IGF2BP2: variants seen among roughly 807,000 people sequenced by gnomAD.
IGF2BP2 encodes insulin-like growth factor 2 mRNA-binding protein 2.
IGF2BP2 carries 17 observed loss-of-function variants against 75.8 expected under a neutral mutation model. The ratio of observed to expected loss-of-function variants is 0.22; its 90% CI spans 0.15 to 0.34. IGF2BP2 has a LOEUF of 0.34. IGF2BP2 is among the 10% of genes least tolerant of loss of function. IGF2BP2 has a pLI of 1.00. For missense variants in IGF2BP2, 516 were observed against 772.4 expected, an observed-to-expected ratio of 0.67 and a Z score of 3.93; for synonymous variants, 288 against 295.6, an observed-to-expected ratio of 0.97 and a Z score of 0.26.
intron 2 of IGF2BP2, among the ~76,000 whole-genome samples, chr3:185,786,719 C>T (rs1191134851): frequency 2.6e-5 from 4 of 152,168 alleles, no homozygotes; most frequent in Non-Finnish European, 4.4e-5. Flanking sequence ...GTGGTCTCTT[C>T]ACATGGACGC....
Position 185,645,697 on chromosome 3 carries a change from G to A in IGF2BP2, c.1708-74C>T, listed in dbSNP as rs187811147. On this transcript the variant is annotated intron_variant, in intron 15 of 15. Coordinates refer to ENST00000382199, the MANE Select transcript of IGF2BP2 (RefSeq NM_006548.6). This position sits in a 1 kb window ranked among gnomAD's most constrained non-coding sequence, Gnocchi z 4.9. ...CCCAGTTCTGAGGACAAACGGCAGGGGAGGCTCTGGGGCTTGGGGATGAAG... is the reference window on the plus strand; with the variant it reads ...CCCAGTTCTGAGGACAAACGGCAGGAGAGGCTCTGGGGCTTGGGGATGAAG... 3.5e-3 allele frequency: 3,792 copies of A among 1,071,278 alleles called. 7 individuals are homozygous for A. Among genetic ancestry groups the A allele is most frequent in the Non-Finnish European group, 4.2e-3 (2,878 of 689,062 alleles). 66.4% of individuals were successfully genotyped at this position (1,071,278 alleles called of 1,614,324 possible). A position where few individuals can be genotyped will look rare whatever the true frequency, so the allele number is the denominator to read the frequency against.
At chr3:185,808,979 G>T (rs948084086) in intron 2 of IGF2BP2, among the ~76,000 whole-genome samples, 1 of 152,122 alleles carries the variant, frequency 6.6e-6, no homozygotes. Flanking sequence ...GACTTGTCTG[G>T]TTTTTTCACA....
chr3:185,699,196 AAAT>A (rs202099518), intron 2 of IGF2BP2, among the ~76,000 whole-genome samples: 13 of 152,200 alleles, frequency 8.5e-5, no homozygotes, highest in African/African-American at 2.4e-4. Flanking sequence ...CAACAAGCTA[AAAT>A]AATAATAATA....
intron 8 of IGF2BP2, 24 bp downstream of exon 8, chr3:185,675,767 G>A (rs1047470767): frequency 1.9e-6 from 3 of 1,610,322 alleles, no homozygotes; most frequent in Admixed American, 3.3e-5. Flanking sequence ...TATTGGGCAT[G>A]AGTAATCTGA....
chr3:185,812,359 G>T (rs528334498), intron 2 of IGF2BP2, among the ~76,000 whole-genome samples: 2 of 152,318 alleles, frequency 1.3e-5, no homozygotes, highest in South Asian at 4.1e-4. Context: ...GCAATCACTG[G>T]CCAAGGAGCT....
At chr3:185,774,169 C>T (rs1378786245) in intron 2 of IGF2BP2, among the ~76,000 whole-genome samples, 3 of 152,024 alleles carry the variant, frequency 2.0e-5, no homozygotes, top group Non-Finnish European at 2.9e-5. Context: ...ACAATTGAGG[C>T]GGGTATGGAC....
chr3:185,744,470 A>C (rs541316704), intron 2 of IGF2BP2, among the ~76,000 whole-genome samples: 1 of 152,350 alleles, frequency 6.6e-6, no homozygotes, highest in South Asian at 2.1e-4. Context: ...CCATCAGAGG[A>C]AACTACTATT....
At chr3:185,681,612 C>G (rs1454302890) in intron 7 of IGF2BP2, among the ~76,000 whole-genome samples, 1 of 152,062 alleles carries the variant, frequency 6.6e-6, no homozygotes, top group Non-Finnish European at 1.5e-5. Flanking sequence ...CCTTGAATAG[C>G]CAAAATGATT....
At chr3:185,736,155 T>C (rs559353202) in intron 2 of IGF2BP2, among the ~76,000 whole-genome samples, 2 of 152,206 alleles carry the variant, frequency 1.3e-5, no homozygotes, top group East Asian at 3.9e-4. Flanking sequence ...GGCCAGCAGC[T>C]CCTGCACCTG....
intron 2 of IGF2BP2, among the ~76,000 whole-genome samples, chr3:185,744,980 C>T (rs937914462): frequency 4.6e-5 from 7 of 152,100 alleles, no homozygotes; most frequent in Admixed American, 3.3e-4. Flanking sequence ...AAATTTATTT[C>T]CGAAAGGACC....
At chr3:185,744,885 G>A (rs952853321) in intron 2 of IGF2BP2, among the ~76,000 whole-genome samples, 2 of 152,038 alleles carry the variant, frequency 1.3e-5, no homozygotes, top group African/African-American at 2.4e-5. Context: ...GTTTTCATAC[G>A]GCATTAAAAA....
At chr3:185,672,441 T>G (rs1327099839) in intron 10 of IGF2BP2, 100 bp downstream of exon 10, 1 of 1,257,916 alleles carries the variant, frequency 7.9e-7, no homozygotes, top group East Asian at 2.5e-5. Flanking sequence ...GAGCATGGCC[T>G]TTAAATGAAA....
intron 12 of IGF2BP2, among the ~76,000 whole-genome samples, chr3:185,655,795 A>G (rs183029084): frequency 2.5e-4 from 38 of 152,340 alleles, no homozygotes; most frequent in Admixed American, 2.1e-3. Flanking sequence ...CTAGACCAGA[A>G]ACAGGATAAC....
intron 2 of IGF2BP2, among the ~76,000 whole-genome samples, chr3:185,713,070 ATGTATGTG>A (rs1725043263): frequency 6.9e-6 from 1 of 145,688 alleles, no homozygotes; most frequent in African/African-American, 2.7e-5. Flanking sequence ...CCCTACAGAT[ATGTATGTG>A]TGTGTGTGTG....
chr3:185,733,624 C>T (rs1175646453), intron 2 of IGF2BP2, among the ~76,000 whole-genome samples: 1 of 152,056 alleles, frequency 6.6e-6, no homozygotes, highest in African/African-American at 2.4e-5. Flanking sequence ...GGTGTGGTGG[C>T]GCATGCCTGT....
intron 10 of IGF2BP2, among the ~76,000 whole-genome samples, chr3:185,660,843 C>T (rs1289407715): frequency 1.3e-5 from 2 of 152,174 alleles, no homozygotes; most frequent in African/African-American, 2.4e-5. Context: ...GCCCTCCTCC[C>T]GCCTGAAGAA....
Position 185,815,402 on chromosome 3 carries a change from T to C in IGF2BP2, c.239+7751A>G, listed in dbSNP as rs891400704. On this transcript the variant is annotated intron_variant, in intron 2 of 15. Transcript: ENST00000382199. ...CATATTATCACAACTTTCTACTTCA[T>C]TGCTAAGGTTCTGTTGCAGTATTCA... is the stretch of plus-strand genomic sequence containing the variant. 5.9e-5 allele frequency among the ~76,000 whole-genome samples: 9 copies of C among 152,240 alleles called. No homozygotes were observed. The East Asian group carries it at 9.6e-4, about 16-fold the overall frequency.
intron 12 of IGF2BP2, among the ~76,000 whole-genome samples, chr3:185,653,013 G>A (rs1714855997): frequency 6.6e-6 from 1 of 152,158 alleles, no homozygotes; most frequent in Non-Finnish European, 1.5e-5. Context: ...GTTTCACCAT[G>A]TTGGCCAGGC....
chr3:185,752,682 C>A (rs923190795), intron 2 of IGF2BP2, among the ~76,000 whole-genome samples: 1 of 152,030 alleles, frequency 6.6e-6, no homozygotes, highest in South Asian at 2.1e-4. Context: ...CTCCACCTCC[C>A]GGGTTCAAGC....
Sources: gnomAD v4.1 joint callset for allele counts (sites outside exome capture counted in the v4.1 genomes callset) on GRCh38, gnomAD v4.1.1 for gene constraint, Gnocchi (gnomAD v3.1) non-coding constraint, MANE v1.5 for transcripts, NCBI Gene and HGNC (gene_info 2026-07-23, HGNC 2026-07-21) for gene names.